The following GRB2 variants were observed in gnomAD, a reference collection of about 807,000 sequenced individuals.
The protein encoded by GRB2 is growth factor receptor-bound protein 2.
Under a neutral mutation model 27.4 loss-of-function variants are expected in GRB2, and 2 were observed. The observed-to-expected ratio is 0.07, with a 90% CI of 0.03 to 0.23. GRB2 has a LOEUF of 0.23. Ranked by LOEUF, GRB2 falls within the 10% of genes least tolerant of loss-of-function variation. The pLI is 1.00. For missense variants in GRB2, 102 were observed against 282.4 expected (o/e 0.36, Z 4.58); for synonymous variants, 94 against 99.6 (o/e 0.94, Z 0.33).
At chr17:75,392,962 G>C (rs1217366798) in intron 2 of GRB2, among the ~76,000 whole-genome samples, 1 of 152,124 alleles carries the variant, frequency 6.6e-6, no homozygotes, top group African/African-American at 2.4e-5. Context: ...TAAGAAAGTC[G>C]AAATCTGACT....
intron 3 of GRB2, 25 bp downstream of exon 3, chr17:75,332,675 C>T (rs750850884): frequency 7.1e-7 from 1 of 1,408,560 alleles, no homozygotes; most frequent in Non-Finnish European, 1.0e-6. Flanking sequence ...TCCAACCCTT[C>T]CAAGACTAAT....
At chr17:75,362,280 A>G (rs547863155) in intron 2 of GRB2, among the ~76,000 whole-genome samples, 1 of 152,306 alleles carries the variant, frequency 6.6e-6, no homozygotes, top group Non-Finnish European at 1.5e-5. Context: ...TTCCTTAATT[A>G]CCACTTCTCA....
intron 2 of GRB2, among the ~76,000 whole-genome samples, chr17:75,334,418 G>A (rs1344031803): frequency 6.6e-6 from 1 of 151,958 alleles, no homozygotes; most frequent in Non-Finnish European, 1.5e-5. Flanking sequence ...TGATCCACCC[G>A]ACTCGGCCTC....
intron 2 of GRB2, among the ~76,000 whole-genome samples, chr17:75,370,747 G>A (rs547299456): frequency 8.3e-4 from 126 of 152,336 alleles, no homozygotes; most frequent in African/African-American, 2.9e-3. Context: ...GCTATGGGTT[G>A]TGTAAACTAT....
intron 2 of GRB2, among the ~76,000 whole-genome samples, chr17:75,347,262 T>G (rs558705797): frequency 2.6e-5 from 4 of 152,126 alleles, no homozygotes; most frequent in South Asian, 2.1e-4. Flanking sequence ...CAAAGACAAC[T>G]GAAAGCCTGA....
chr17:75,360,250 CA>C (rs137992587), intron 2 of GRB2, among the ~76,000 whole-genome samples: 30,542 of 152,108 alleles, frequency 0.2, 4,540 homozygotes, highest in African/African-American at 0.42. Context: ...ACTTAAATCT[CA>C]AAAATATGTT....
Position 75,320,562 on chromosome 17 carries a change from C to T in GRB2, c.469-9G>A, listed in dbSNP as rs200101972. The T allele has an allele frequency of 1.4e-5, 22 of 1,608,856 alleles. No homozygotes were observed. The African/African-American group carries it at 2.7e-4, about 20-fold the overall frequency. ...TGGACGTATGTCGGCTGCTGCAAAA[C>T]AGGAGCAGGAAAAACCCACATTGCA... is the stretch of plus-strand genomic sequence containing the variant. On this transcript the variant is annotated splice_polypyrimidine_tract_variant and intron_variant, in intron 5 of 5. Coordinates refer to ENST00000316804, the MANE Select transcript of GRB2 (RefSeq NM_002086.5). The surrounding 1 kb of genome is among the most constrained non-coding windows in gnomAD (Gnocchi z 4.3).
rs773814033 is a variant in GRB2 at position 75,393,524 on chromosome 17, A to G, written c.78+27T>C. 1.2e-5 allele frequency: 19 copies of G among 1,579,978 alleles called. No homozygotes were observed. The Admixed American group carries it at 1.8e-4, about 15-fold the overall frequency. ...GGGTGAGCACAGGGAGAGCGATCTC[A>G]GCATTGTGCTCGGCATCAGCACTTA... On this transcript the variant is annotated intron_variant, in intron 2 of 5. Transcript: ENST00000316804.
At chr17:75,362,468 C>A (rs931704975) in intron 2 of GRB2, among the ~76,000 whole-genome samples, 1 of 152,178 alleles carries the variant, frequency 6.6e-6, no homozygotes, top group South Asian at 2.1e-4. Context: ...TCAGAACACA[C>A]GTAAGTCAGA....
chr17:75,368,381 A>T (rs1159528425), intron 2 of GRB2, among the ~76,000 whole-genome samples: 1 of 149,568 alleles, frequency 6.7e-6, no homozygotes, highest in Non-Finnish European at 1.5e-5. Flanking sequence ...GTGCTCAGCT[A>T]ATTTTTGTTT....
At chr17:75,374,718 T>C (rs2078881049) in intron 2 of GRB2, among the ~76,000 whole-genome samples, 1 of 151,452 alleles carries the variant, frequency 6.6e-6, no homozygotes, top group African/African-American at 2.4e-5. Context: ...GCCCAGGAGA[T>C]TGAGGCTGCA....
intron 2 of GRB2, among the ~76,000 whole-genome samples, chr17:75,350,670 T>G (rs998690703): frequency 6.6e-6 from 1 of 152,110 alleles, no homozygotes; most frequent in Non-Finnish European, 1.5e-5. Context: ...TTTTTTGTAT[T>G]TTCAGTAGAG....
chr17:75,376,750 C>T (rs936934453), intron 2 of GRB2, among the ~76,000 whole-genome samples: 1 of 152,064 alleles, frequency 6.6e-6, no homozygotes, highest in African/African-American at 2.4e-5. Context: ...ATCTGTAATC[C>T]CAGCACTTTG....
chr17:75,379,477 T>A (rs956552343), intron 2 of GRB2, among the ~76,000 whole-genome samples: 1 of 151,104 alleles, frequency 6.6e-6, no homozygotes, highest in Admixed American at 6.6e-5. Flanking sequence ...TAGCTCATTG[T>A]AGTCTCCACC....
chr17:75,365,047 G>C (rs1013284654), intron 2 of GRB2, among the ~76,000 whole-genome samples: 1 of 152,146 alleles, frequency 6.6e-6, no homozygotes, highest in East Asian at 1.9e-4. Context: ...ACCATGAAGA[G>C]TAAAATCAAA....
At chr17:75,373,987 G>A (rs1253649151) in intron 2 of GRB2, among the ~76,000 whole-genome samples, 1 of 151,404 alleles carries the variant, frequency 6.6e-6, no homozygotes, top group African/African-American at 2.4e-5. Flanking sequence ...AGTAGAGACA[G>A]GGTTTCACCG....
intron 2 of GRB2, among the ~76,000 whole-genome samples, chr17:75,386,716 A>G (rs2078965899): frequency 1.3e-5 from 2 of 152,246 alleles, no homozygotes; most frequent in Non-Finnish European, 2.9e-5. Context: ...TGGTCTACTC[A>G]TACCTGGACA....
intron 2 of GRB2, among the ~76,000 whole-genome samples, chr17:75,358,022 C>G (rs1386314094): frequency 1.3e-5 from 2 of 152,186 alleles, no homozygotes; most frequent in Admixed American, 1.3e-4. Context: ...CGCTTGAACC[C>G]GGGAGGTGGA....
At chr17:75,356,509 C>G (rs140234212) in intron 2 of GRB2, among the ~76,000 whole-genome samples, 130 of 152,274 alleles carry the variant, frequency 8.5e-4, no homozygotes, top group African/African-American at 3.0e-3. Context: ...CCCTATCATT[C>G]GTTCTTTCAT....
Sources: allele counts gnomAD v4.1 joint callset (sites outside exome capture counted in the v4.1 genomes callset), GRCh38; gene constraint gnomAD v4.1.1; non-coding constraint Gnocchi (gnomAD v3.1); transcripts MANE v1.5; gene names NCBI Gene and HGNC (gene_info 2026-07-23, HGNC 2026-07-21).